RALGAPB: variants seen among roughly 807,000 people sequenced by gnomAD.
RALGAPB encodes Ral GTPase activating protein non-catalytic subunit beta, also known as ral GTPase-activating protein subunit beta.
RALGAPB carries 25 observed loss-of-function variants against 161.1 expected under a neutral mutation model. The ratio of observed to expected loss-of-function variants is 0.16; its 90% CI spans 0.11 to 0.22. RALGAPB has a LOEUF of 0.22. Ranked by LOEUF, RALGAPB falls within the 10% of genes least tolerant of loss-of-function variation. The pLI is 1.00. For missense variants in RALGAPB, 1,391 were observed against 1,815.2 expected (o/e 0.77, Z 4.25); for synonymous variants, 629 against 626.1 (o/e 1.00, Z -0.07).
chr20:38,518,530 G>T (rs1352788056), intron 9 of RALGAPB, among the ~76,000 whole-genome samples: 1 of 152,064 alleles, frequency 6.6e-6, no homozygotes, highest in Non-Finnish European at 1.5e-5. Context: ...AAAATTGATT[G>T]GTGGAGAATT....
intron 5 of RALGAPB, among the ~76,000 whole-genome samples, chr20:38,500,499 C>G (rs1018114299): frequency 2.0e-5 from 3 of 152,206 alleles, no homozygotes; most frequent in African/African-American, 7.2e-5. Flanking sequence ...TGTGTTCTGA[C>G]AGCTCCACTG....
intron 5 of RALGAPB, among the ~76,000 whole-genome samples, chr20:38,508,403 G>C (rs1359673204): frequency 6.6e-6 from 1 of 151,948 alleles, no homozygotes; most frequent in Non-Finnish European, 1.5e-5. Flanking sequence ...GAGATGCAAG[G>C]AAAAACTTTA....
At chr20:38,546,453 C>G (rs1455632887) in intron 19 of RALGAPB, 23 bp downstream of exon 19, 3 of 1,613,354 alleles carry the variant, frequency 1.9e-6, no homozygotes, top group East Asian at 4.5e-5. Context: ...TACTTTGAGC[C>G]TTCTCTACTG....
chr20:38,499,333 A>C (rs2085512781), intron 4 of RALGAPB, 114 bp from the exon 5 acceptor site: 1 of 998,132 alleles, frequency 1.0e-6, no homozygotes, highest in South Asian at 1.8e-5. Flanking sequence ...TTGAAAGTCA[A>C]AACTTAATAT....
At chr20:38,480,451 A>T (rs1471697678) in intron 1 of RALGAPB, among the ~76,000 whole-genome samples, 3 of 139,706 alleles carry the variant, frequency 2.1e-5, no homozygotes, top group Non-Finnish European at 4.5e-5. Context: ...CAGTGGCGTG[A>T]TCTTGGCTCA....
Position 38,570,786 on chromosome 20 carries a change from G to A in RALGAPB, c.4081G>A (p.Glu1361Lys). ...YDDIENFPLS[E>K]LMTEISTGVE... ...TCTTCCAGAAAACTTTCCCCTCTCA[G>A]AGCTGATGACAGAGATCAGTACTGG... The change falls in exon 28 of 30, where the codon GAG (glutamate) becomes AAG (lysine). Residue 1361 changes from glutamate (E) to lysine (K), a missense_variant. By Grantham distance (56) the Glu-to-Lys change is moderately conservative. Transcript: ENST00000262879. The A allele has an allele frequency of 6.2e-7, 1 of 1,606,150 alleles. No individual in the cohort carries two copies. Among genetic ancestry groups the A allele is most frequent in the Non-Finnish European group, 8.5e-7 (1 of 1,173,458 alleles).
Position 38,570,801 on chromosome 20 carries a change from A to T in RALGAPB, c.4096A>T (p.Ile1366Phe). 2 of 1,609,498 alleles carry T rather than the reference A, an allele frequency of 1.2e-6. No individual in the cohort carries two copies. The highest frequency in any genetic ancestry group is 1.7e-6 in the Non-Finnish European group (2 of 1,176,210). The stretch of plus-strand genomic sequence containing the variant: ...TCCCCTCTCAGAGCTGATGACAGAG[A>T]TCAGTACTGGTGTGGAAACTACTGC... ...NFPLSELMTE[I>F]STGVETTANS... is the part of the protein sequence containing the mutation. The change falls in exon 28 of 30, where the codon ATC (isoleucine) becomes TTC (phenylalanine). Residue 1366 changes from isoleucine (I) to phenylalanine (F), a missense_variant. By Grantham distance (21) the Ile-to-Phe change is conservative. Around this residue, in one of 3 missense-constraint regions of RALGAPB, gnomAD observed 436 missense variants for 527.0 expected, o/e 0.83. Coordinates refer to ENST00000262879, the MANE Select transcript of RALGAPB (RefSeq NM_020336.4).
intron 6 of RALGAPB, among the ~76,000 whole-genome samples, chr20:38,512,447 A>C (rs1030057631): frequency 6.6e-6 from 1 of 152,234 alleles, no homozygotes; most frequent in African/African-American, 2.4e-5. Flanking sequence ...TAATCTACAT[A>C]ATGGGAATAA....
At chr20:38,488,310 T>C (rs980654359) in intron 1 of RALGAPB, 93 bp from the exon 2 acceptor site, 2 of 781,052 alleles carry the variant, frequency 2.6e-6, no homozygotes, top group Non-Finnish European at 4.0e-6. Context: ...TGCAGCATTC[T>C]TTATCATGCC....
chr20:38,506,816 G>A (rs961942021), intron 5 of RALGAPB, among the ~76,000 whole-genome samples: 6 of 152,128 alleles, frequency 3.9e-5, no homozygotes, highest in South Asian at 2.1e-4. Flanking sequence ...TATAGGTAGT[G>A]TTATGTATCA....
At chr20:38,523,153 CA>C (rs1205480778) in intron 10 of RALGAPB, among the ~76,000 whole-genome samples, 1,791 of 129,796 alleles carry the variant, frequency 0.014, 23 homozygotes, top group African/African-American at 0.043. Flanking sequence ...GACTCCGTCT[CA>C]AAAAAAAAAA....
At position 38,509,574 on chromosome 20, in the gene RALGAPB, C is replaced by T. The variant is rs191994750; in HGVS notation, c.872+366C>T. ...CTCTCTGTGCCCAGCACTGACTGGTCAGTCTGCCTCTCAGAGCCCTCCTCC... is the reference window on the plus strand; with the variant it reads ...CTCTCTGTGCCCAGCACTGACTGGTTAGTCTGCCTCTCAGAGCCCTCCTCC... On this transcript the variant is annotated intron_variant, in intron 6 of 29. Transcript: ENST00000262879. 4.6e-5 allele frequency among the ~76,000 whole-genome samples: 7 copies of T among 152,326 alleles called. No homozygotes were observed. In the East Asian group the frequency reaches 1.2e-3, roughly 25 times the overall value.
chr20:38,571,144 A>C (rs2088222276), intron 28 of RALGAPB, among the ~76,000 whole-genome samples: 1 of 152,158 alleles, frequency 6.6e-6, no homozygotes, highest in Non-Finnish European at 1.5e-5. Context: ...CCATCACAGC[A>C]ATCTATTCCT....
chr20:38,574,622 T>C (rs1167759472), intron 29 of RALGAPB, 152 bp from the exon 30 acceptor site: 1 of 767,044 alleles, frequency 1.3e-6, no homozygotes, highest in Admixed American at 2.8e-5. Flanking sequence ...CAGTTTTATC[T>C]TAGCACTATG....
rs180951069 is a variant in RALGAPB, at chr20:38,541,208, C to T, written c.2714+16C>T. The T allele has an allele frequency of 2.4e-5, 38 of 1,612,124 alleles. No individual in the cohort carries two copies. The Admixed American group carries it at 4.8e-4, about 21-fold the overall frequency. On this transcript the variant is annotated intron_variant, in intron 18 of 29. Coordinates refer to ENST00000262879, the MANE Select transcript of RALGAPB (RefSeq NM_020336.4). Reference sequence around the variant, plus strand: ...CCCTAACATGGTATGGAAGTGACCGCACAGGGATTGTGCCTAGGAATTAGA... The same window carrying T: ...CCCTAACATGGTATGGAAGTGACCGTACAGGGATTGTGCCTAGGAATTAGA...
At position 38,575,708 on chromosome 20, in the gene RALGAPB, T is replaced by G. The variant is rs879736443; in HGVS notation, c.*741T>G. On this transcript the variant is annotated 3_prime_UTR_variant, in exon 30 of 30. Transcript: ENST00000262879. The stretch of plus-strand genomic sequence containing the variant: ...CAAATAAAGTTTGTGGGGTTAAAAG[T>G]TATAAGACAGCAGTGATACCCCACT... 2 of 152,340 alleles carry G rather than the reference T, an allele frequency of 1.3e-5. No individual in the cohort carries two copies. The highest frequency in any genetic ancestry group is 3.9e-4 in the East Asian group (2 of 5,186). The allele number at this position is 152,340 out of a possible 1,614,324, so 9.4% of individuals were successfully genotyped here.
intron 4 of RALGAPB, among the ~76,000 whole-genome samples, chr20:38,498,852 C>T (rs1476188278): frequency 2.0e-5 from 3 of 152,210 alleles, no homozygotes; most frequent in African/African-American, 7.2e-5. Flanking sequence ...CTCTGTCTCT[C>T]TCCCTTGAAG....
intron 10 of RALGAPB, among the ~76,000 whole-genome samples, chr20:38,524,491 A>AT (rs11086644): frequency 1.3e-4 from 20 of 150,944 alleles, no homozygotes; most frequent in Non-Finnish European, 2.8e-4. Flanking sequence ...ACAGACATGA[A>AT]TTTTTTTTTT....
intron 14 of RALGAPB, among the ~76,000 whole-genome samples, chr20:38,531,691 T>C (rs1010501741): frequency 5.9e-5 from 9 of 152,206 alleles, no homozygotes; most frequent in African/African-American, 2.2e-4. Flanking sequence ...CAGTGCTCTC[T>C]GCTTTGTCTT....
Sources: allele counts gnomAD v4.1 joint callset (sites outside exome capture counted in the v4.1 genomes callset), GRCh38; gene constraint gnomAD v4.1.1; regional missense constraint gnomAD v4.1.1; transcripts MANE v1.5; gene names NCBI Gene and HGNC (gene_info 2026-07-23, HGNC 2026-07-21).